The following SUPT3H variants were observed in gnomAD, a reference collection of about 807,000 sequenced individuals.
SUPT3H encodes the protein SPT3 homolog, SAGA and STAGA complex component.
SUPT3H carries 44 observed loss-of-function variants against 44.3 expected under a neutral mutation model. That is an observed-to-expected ratio of 0.99 (90% CI 0.78 to 1.28). SUPT3H has a LOEUF of 1.28. Ranked by LOEUF, SUPT3H falls within the 50% of genes most tolerant of loss-of-function variation. The probability of loss-of-function intolerance (pLI) is 0.00; values close to 1 mark genes in which losing one functional copy is unlikely to be tolerated. For synonymous variants in SUPT3H, 124 were observed against 125.6 expected, an observed-to-expected ratio of 0.99 and a Z score of 0.09; for missense variants, 380 against 387.1, an observed-to-expected ratio of 0.98 and a Z score of 0.15.
rs1342108291 is a variant in SUPT3H at position 45,171,121 on chromosome 6, G to C, written c.102-65115C>G. 2.6e-5 allele frequency among the ~76,000 whole-genome samples: 4 copies of C among 152,004 alleles called. No homozygotes were observed. The East Asian group carries it at 7.7e-4, about 29-fold the overall frequency. On this transcript the variant is annotated intron_variant, in intron 2 of 10. Coordinates refer to ENST00000371459, the MANE Select transcript of SUPT3H (RefSeq NM_003599.4). Reference sequence around the variant, plus strand: ...AAATGTTATAAGCATGTTAGCTACTGGTGTATTTTAATTTCTACTAACTGT... The same window carrying C: ...AAATGTTATAAGCATGTTAGCTACTCGTGTATTTTAATTTCTACTAACTGT...
chr6:44,891,279 A>G (rs1471469114), intron 10 of SUPT3H, among the ~76,000 whole-genome samples: 1 of 152,168 alleles, frequency 6.6e-6, no homozygotes, highest in East Asian at 1.9e-4. Context: ...GTGTCTAATC[A>G]AAATAACTGA....
At chr6:45,084,245 C>G (rs944854941) in intron 3 of SUPT3H, among the ~76,000 whole-genome samples, 2 of 152,004 alleles carry the variant, frequency 1.3e-5, no homozygotes, top group Admixed American at 1.3e-4. Flanking sequence ...AATACCCATG[C>G]GACAAAGGTC....
At position 45,005,491 on chromosome 6, in the gene SUPT3H, G is replaced by A. The variant is rs368032824; in HGVS notation, c.365-1699C>T. ...GTGGTGGCTCACGCCTGTAATCCCA[G>A]CACTTTGGGAGGCTGAGGCGGGCGG... On this transcript the variant is annotated intron_variant, in intron 5 of 10. Transcript: ENST00000371459. Among the ~76,000 whole-genome samples, 16 of 152,162 alleles carry A rather than the reference G, an allele frequency of 1.1e-4. No homozygotes were observed. The East Asian group carries it at 2.1e-3, about 20-fold the overall frequency.
chr6:45,283,088 C>A (rs965960757), intron 2 of SUPT3H, among the ~76,000 whole-genome samples: 1 of 152,118 alleles, frequency 6.6e-6, no homozygotes, highest in Non-Finnish European at 1.5e-5. Context: ...GAAGGAAGCA[C>A]TAAACATGGA....
chr6:44,827,460 A>T lies in SUPT3H; in HGVS notation c.*2356T>A, dbSNP rs527514647. ...ATTCTCATCTCTGGTCTGTCACTAC[A>T]TTATTGAGTGATCTTAGGAAACTCA... is the stretch of plus-strand genomic sequence containing the variant. On this transcript the variant is annotated 3_prime_UTR_variant, in exon 11 of 11. Coordinates refer to ENST00000371459, the MANE Select transcript of SUPT3H (RefSeq NM_003599.4). Among the ~76,000 whole-genome samples, 1 of 152,232 alleles carries T rather than the reference A, an allele frequency of 6.6e-6. No individual in the cohort carries two copies. The highest frequency in any genetic ancestry group is 2.4e-5 in the African/African-American group (1 of 41,564).
intron 2 of SUPT3H, among the ~76,000 whole-genome samples, chr6:45,255,688 G>A (rs531270984): frequency 6.6e-6 from 1 of 151,992 alleles, no homozygotes; most frequent in African/African-American, 2.4e-5. Flanking sequence ...CTCCCAAAGT[G>A]GTTGGACTAA....
intron 4 of SUPT3H, among the ~76,000 whole-genome samples, chr6:45,020,255 TAG>T (rs1784923777): frequency 6.6e-6 from 1 of 151,890 alleles, no homozygotes; most frequent in South Asian, 2.1e-4. Flanking sequence ...CAACAGAACA[TAG>T]AGTCAGTATT....
chr6:45,175,456 T>C (rs574339620), intron 2 of SUPT3H, among the ~76,000 whole-genome samples: 1 of 152,236 alleles, frequency 6.6e-6, no homozygotes, highest in African/African-American at 2.4e-5. Flanking sequence ...ACTGCCCCCA[T>C]GATTCAATTA....
At chr6:45,089,160 C>T (rs541311741) in intron 3 of SUPT3H, among the ~76,000 whole-genome samples, 2 of 151,980 alleles carry the variant, frequency 1.3e-5, no homozygotes, top group Admixed American at 1.3e-4. Context: ...TAACATTTTC[C>T]TTTAGTCCAC....
chr6:45,083,179 T>C (rs1431460649), intron 3 of SUPT3H, among the ~76,000 whole-genome samples: 2 of 147,800 alleles, frequency 1.4e-5, no homozygotes, highest in African/African-American at 2.5e-5. Flanking sequence ...TTATTATTAT[T>C]ATTATTATTA....
At chr6:45,354,916 T>C (rs1220759338) in intron 2 of SUPT3H, among the ~76,000 whole-genome samples, 1 of 152,186 alleles carries the variant, frequency 6.6e-6, no homozygotes, top group East Asian at 1.9e-4. Context: ...TTGGTATTTT[T>C]TAATTTTTTG....
chr6:44,913,557 A>G (rs28644430), intron 10 of SUPT3H, among the ~76,000 whole-genome samples: 2 of 152,238 alleles, frequency 1.3e-5, no homozygotes, highest in African/African-American at 4.8e-5. Context: ...TTGTTATCCA[A>G]GAAGAGAACA....
intron 9 of SUPT3H, among the ~76,000 whole-genome samples, chr6:44,941,783 A>C (rs1186242178): frequency 6.6e-6 from 1 of 152,190 alleles, no homozygotes; most frequent in African/African-American, 2.4e-5. Context: ...TAATACACGT[A>C]GTGAGTGTAG....
chr6:45,188,060 T>C (rs1293074213), intron 2 of SUPT3H, among the ~76,000 whole-genome samples: 1 of 152,258 alleles, frequency 6.6e-6, no homozygotes, highest in Non-Finnish European at 1.5e-5. Flanking sequence ...CACACTTCTA[T>C]AGGCTACCTG....
chr6:45,360,061 T>C (rs1016229840), intron 2 of SUPT3H, among the ~76,000 whole-genome samples: 1 of 152,242 alleles, frequency 6.6e-6, no homozygotes, highest in Non-Finnish European at 1.5e-5. Flanking sequence ...TTGAAAGTCA[T>C]TTATAAACTA....
chr6:45,094,810 T>C (rs769009223), intron 3 of SUPT3H, among the ~76,000 whole-genome samples: 1 of 152,006 alleles, frequency 6.6e-6, no homozygotes, highest in Admixed American at 6.6e-5. Flanking sequence ...ACAGAAATAA[T>C]CAGGAAATTT....
intron 2 of SUPT3H, among the ~76,000 whole-genome samples, chr6:45,225,862 T>A (rs914082609): frequency 3.9e-5 from 6 of 152,154 alleles, no homozygotes; most frequent in African/African-American, 1.4e-4. Flanking sequence ...ATGGTTGTAG[T>A]AATTTATCAA....
chr6:45,210,518 A>C (rs1470350879), intron 2 of SUPT3H, among the ~76,000 whole-genome samples: 4 of 152,184 alleles, frequency 2.6e-5, no homozygotes, highest in African/African-American at 9.6e-5. Context: ...CCCCTCTCCC[A>C]CTTCAATAGG....
chr6:45,241,944 A>G (rs967117646), intron 2 of SUPT3H, among the ~76,000 whole-genome samples: 1 of 152,214 alleles, frequency 6.6e-6, no homozygotes, highest in Non-Finnish European at 1.5e-5. Flanking sequence ...GTCATGAAGG[A>G]CTACACAAAG....
Sources: gnomAD v4.1 joint callset for allele counts (sites outside exome capture counted in the v4.1 genomes callset) on GRCh38, gnomAD v4.1.1 for gene constraint, MANE v1.5 for transcripts, NCBI Gene and HGNC (gene_info 2026-07-23, HGNC 2026-07-21) for gene names.